GSDME: variants seen among roughly 807,000 people sequenced by gnomAD.
The protein encoded by GSDME is gasdermin-E.
GSDME carries 44 observed loss-of-function variants against 47.5 expected under a neutral mutation model. The ratio of observed to expected loss-of-function variants is 0.93; its 90% confidence interval spans 0.73 to 1.19. GSDME has a LOEUF of 1.19. Ranked by LOEUF, GSDME falls within the 50% of genes most tolerant of loss-of-function variation. The probability of loss-of-function intolerance (pLI) is 0.00; values close to 1 mark genes in which losing one functional copy is unlikely to be tolerated. For missense variants in GSDME, 663 were observed against 604.2 expected, an observed-to-expected ratio of 1.10 and a Z score of -1.02; for synonymous variants, 258 against 252.8, an observed-to-expected ratio of 1.02 and a Z score of -0.20.
At chr7:24,708,057 C>G in intron 7 of GSDME, 70 bp downstream of exon 7, 1 of 1,594,258 alleles carries the variant, frequency 6.3e-7, no homozygotes, top group South Asian at 1.1e-5. Flanking sequence ...TAACACAATT[C>G]CATCCTGCCT....
chr7:24,768,842 A>T, the GSDME span, among the ~76,000 whole-genome samples: 2 of 152,246 alleles, frequency 1.3e-5, no homozygotes, highest in African/African-American at 4.8e-5. This position sits in a 1 kb window ranked among gnomAD's most constrained non-coding sequence, Gnocchi z 5.6. Flanking sequence ...GTGTTATTCT[A>T]TCATACTGTG....
Position 24,724,032 on chromosome 7 carries a change from C to T in GSDME, c.405-4814G>A, listed in dbSNP as rs1419027877. Among the ~76,000 whole-genome samples the T allele has an allele frequency of 6.6e-6, 1 of 152,168 alleles. No homozygotes were observed. ...GCCCTGTGAGAGCCACTGAGCAACA[C>T]AGACAGAATGGCTTTAGAGACACAG... On this transcript the variant is annotated intron_variant, in intron 3 of 9. Transcript: ENST00000645220. The surrounding 1 kb of genome is among the most constrained non-coding windows in gnomAD (Gnocchi z 4.8).
At chr7:24,784,753 T>A in the GSDME span, among the ~76,000 whole-genome samples, 1 of 151,406 alleles carries the variant, frequency 6.6e-6, no homozygotes, top group South Asian at 2.1e-4. Context: ...AGAGATGGCA[T>A]TTCACCATGC....
intron 3 of GSDME, among the ~76,000 whole-genome samples, chr7:24,723,182 G>A (rs1050275920): frequency 6.6e-6 from 1 of 152,228 alleles, no homozygotes; most frequent in Non-Finnish European, 1.5e-5. Context: ...TCAGTTAGGA[G>A]AGGCCCCACA....
chr7:24,748,895 A>G (rs933183200), intron 2 of GSDME, among the ~76,000 whole-genome samples: 5 of 152,184 alleles, frequency 3.3e-5, no homozygotes, highest in African/African-American at 1.2e-4. Context: ...TTCCCCAGAA[A>G]GCATCATTAT....
At chr7:24,794,321 C>T in the GSDME span, among the ~76,000 whole-genome samples, 9 of 141,824 alleles carry the variant, frequency 6.3e-5, no homozygotes, top group Admixed American at 2.9e-4. Flanking sequence ...TCCCTTTTCT[C>T]TCTGCTGGTC....
upstream of GSDME, among the ~76,000 whole-genome samples, chr7:24,762,555 A>G (rs556839271): frequency 6.6e-6 from 1 of 152,256 alleles, no homozygotes; most frequent in South Asian, 2.1e-4. Context: ...CTTTTTAACA[A>G]ATATTTATTA....
intron 2 of GSDME, among the ~76,000 whole-genome samples, chr7:24,748,170 T>TA (rs1562714977): frequency 7.1e-5 from 10 of 140,530 alleles, no homozygotes; most frequent in Non-Finnish European, 1.3e-4. Context: ...ATATATATAT[T>TA]TTTTTTTGAG....
upstream of GSDME, chr7:24,757,690 C>G (rs1197095718): frequency 6.6e-6 from 1 of 152,304 alleles, no homozygotes. This position sits in a 1 kb window ranked among gnomAD's most constrained non-coding sequence, Gnocchi z 5.9. Context: ...AGTCCCCGCG[C>G]GCTTTTCGGG....
At chr7:24,761,853 C>T (rs1322705089), upstream of GSDME, among the ~76,000 whole-genome samples, 1 of 152,228 alleles carries the variant, frequency 6.6e-6, no homozygotes, top group African/African-American at 2.4e-5. This position sits in a 1 kb window ranked among gnomAD's most constrained non-coding sequence, Gnocchi z 4.4. Flanking sequence ...ATTTCCACAA[C>T]AAGCCTAGAT....
chr7:24,782,989 C>T, the GSDME span, among the ~76,000 whole-genome samples: 1 of 152,310 alleles, frequency 6.6e-6, no homozygotes, highest in African/African-American at 2.4e-5. Context: ...AATAGCTTTG[C>T]TTTATATTTT....
At chr7:24,772,013 A>C in the GSDME span, among the ~76,000 whole-genome samples, 1 of 152,198 alleles carries the variant, frequency 6.6e-6, no homozygotes, top group Non-Finnish European at 1.5e-5. This position sits in a 1 kb window ranked among gnomAD's most constrained non-coding sequence, Gnocchi z 4.5. Flanking sequence ...CTTGTTCATG[A>C]GGGCTGCCGG....
intron 3 of GSDME, among the ~76,000 whole-genome samples, chr7:24,731,807 G>A (rs1790154719): frequency 6.6e-6 from 1 of 152,220 alleles, no homozygotes; most frequent in Non-Finnish European, 1.5e-5. Flanking sequence ...ATGTGTCTTG[G>A]TTTAAAGAAA....
chr7:24,751,465 G>T (rs902863892), intron 1 of GSDME, among the ~76,000 whole-genome samples: 3 of 152,194 alleles, frequency 2.0e-5, no homozygotes, highest in Non-Finnish European at 4.4e-5. Flanking sequence ...ACCTTAACAT[G>T]AATCTCTTTC....
At chr7:24,780,747 C>T in the GSDME span, among the ~76,000 whole-genome samples, 3 of 152,236 alleles carry the variant, frequency 2.0e-5, no homozygotes, top group Admixed American at 6.5e-5. The surrounding 1 kb of genome is among the most constrained non-coding windows in gnomAD (Gnocchi z 4.1). Context: ...ACTCCGCAAG[C>T]GGCAGAGCAG....
chr7:24,721,129 G>A lies in GSDME; in HGVS notation c.405-1911C>T, dbSNP rs1789766953. ...TGATGGCTGCAGAGTTCCTAGTTGAGGTGACGAAGAAGTTCTAGAAATGCA... is the reference window on the plus strand; with the variant it reads ...TGATGGCTGCAGAGTTCCTAGTTGAAGTGACGAAGAAGTTCTAGAAATGCA... On this transcript the variant is annotated intron_variant, in intron 3 of 9. Transcript: ENST00000645220. The surrounding 1 kb of genome is among the most constrained non-coding windows in gnomAD (Gnocchi z 4.1). Among the ~76,000 whole-genome samples the A allele has an allele frequency of 6.6e-6, 1 of 152,178 alleles. No homozygotes were observed. Among genetic ancestry groups the A allele is most frequent in the African/African-American group, 2.4e-5 (1 of 41,436 alleles).
intron 9 of GSDME, among the ~76,000 whole-genome samples, chr7:24,699,489 G>A (rs922298534): frequency 6.6e-6 from 1 of 152,064 alleles, no homozygotes; most frequent in South Asian, 2.1e-4. Flanking sequence ...ACAGGTGTGC[G>A]CCACCATGCC....
At chr7:24,738,059 T>C (rs1159653343) in intron 3 of GSDME, among the ~76,000 whole-genome samples, 1 of 152,090 alleles carries the variant, frequency 6.6e-6, no homozygotes, top group Non-Finnish European at 1.5e-5. Context: ...TCCTCTAGGA[T>C]CTGGAACACA....
At position 24,756,343 on chromosome 7, in the gene GSDME, A is replaced by G. The variant is rs1791015839; in HGVS notation, c.-20+1053T>C. ...GCCACTGCACTCCAGCCTTGGTGAC[A>G]GAGCGAGACCCTCTCTCAACAATAA... On this transcript the variant is annotated intron_variant, in intron 1 of 9. Coordinates refer to ENST00000645220, the MANE Select transcript of GSDME (RefSeq NM_001127453.2). The surrounding 1 kb of genome is among the most constrained non-coding windows in gnomAD (Gnocchi z 4.2). Among the ~76,000 whole-genome samples, 1 of 152,204 alleles carries G rather than the reference A, an allele frequency of 6.6e-6. No homozygotes were observed. The highest frequency in any genetic ancestry group is 1.5e-5 in the Non-Finnish European group (1 of 68,028).
Sources: gnomAD v4.1 joint callset for allele counts (sites outside exome capture counted in the v4.1 genomes callset) on GRCh38, gnomAD v4.1.1 for gene constraint, Gnocchi (gnomAD v3.1) non-coding constraint, MANE v1.5 for transcripts, NCBI Gene and HGNC (gene_info 2026-07-23, HGNC 2026-07-21) for gene names.